The following CRISPLD1 variants were observed in gnomAD, a reference collection of about 807,000 sequenced individuals.
The protein encoded by CRISPLD1 is cysteine rich secretory protein LCCL domain containing 1.
Under a neutral mutation model 77.5 loss-of-function variants are expected in CRISPLD1, and 60 were observed. That is an observed-to-expected ratio of 0.77 (90% CI 0.63 to 0.96). The LOEUF (loss-of-function observed/expected upper bound fraction) is 0.96, where lower values mean the gene tolerates loss of function less well. CRISPLD1 is among the 40% of genes least tolerant of loss of function. CRISPLD1 has a pLI of 0.00. For missense variants in CRISPLD1, 623 were observed against 615.8 expected, an observed-to-expected ratio of 1.01 and a Z score of -0.12; for synonymous variants, 195 against 200.1, an observed-to-expected ratio of 0.97 and a Z score of 0.22.
chr8:75,030,242 C>T (rs1813310158), intron 14 of CRISPLD1, among the ~76,000 whole-genome samples: 1 of 152,106 alleles, frequency 6.6e-6, no homozygotes, highest in African/African-American at 2.4e-5. Flanking sequence ...CACACATGTA[C>T]ACCAAAGGAT....
At chr8:75,018,205 T>A (rs1424450990) in intron 10 of CRISPLD1, among the ~76,000 whole-genome samples, 1 of 152,184 alleles carries the variant, frequency 6.6e-6, no homozygotes, top group Non-Finnish European at 1.5e-5. Flanking sequence ...TTAGAATTAA[T>A]AACTATAAAA....
At position 75,017,062 on chromosome 8, in the gene CRISPLD1, T is replaced by C. The variant is rs756496842; in HGVS notation, c.945T>C (p.Ala315=). ...TTTTATTTAGGTACGAATGTCCTGC[T>C]GGCTGTTTGGATAGTAAAGCTAAAG... is the stretch of plus-strand genomic sequence containing the variant. The part of the protein sequence containing the change: ...GTTCNRYECP[A]GCLDSKAKVI... The change falls in exon 9 of 15, where the codon GCT becomes GCC. Residue 315 remains alanine (A), a synonymous_variant. Coordinates refer to ENST00000262207, the MANE Select transcript of CRISPLD1 (RefSeq NM_031461.6). 35 of 1,612,668 alleles carry C rather than the reference T, an allele frequency of 2.2e-5. No homozygotes were observed. In the East Asian group the frequency reaches 7.8e-4, roughly 36 times the overall value.
chr8:75,010,692 AGTTT>A (rs1812913875), intron 2 of CRISPLD1, among the ~76,000 whole-genome samples: 1 of 152,084 alleles, frequency 6.6e-6, no homozygotes, highest in Non-Finnish European at 1.5e-5. Flanking sequence ...CATATTAATT[AGTTT>A]TTCTGTAACC....
In CRISPLD1 at chr8:75,004,409, T is replaced by G. The variant is rs999761660; in HGVS notation, c.259-8024T>G. ...CATCTCACACTCTTTCAGCACAGAT[T>G]TATTTACTTATTTATTTCATTGACG... On this transcript the variant is annotated intron_variant, in intron 2 of 14. Coordinates refer to ENST00000262207, the MANE Select transcript of CRISPLD1 (RefSeq NM_031461.6). Among the ~76,000 whole-genome samples, 10 of 152,174 alleles carry G rather than the reference T, an allele frequency of 6.6e-5. No individual in the cohort carries two copies. The East Asian group carries it at 1.2e-3, about 18-fold the overall frequency.
At chr8:75,003,965 T>A (rs535297979) in intron 2 of CRISPLD1, among the ~76,000 whole-genome samples, 3 of 152,188 alleles carry the variant, frequency 2.0e-5, no homozygotes, top group African/African-American at 7.2e-5. Flanking sequence ...ATTGAAATAA[T>A]CTTGTGAGTA....
At chr8:74,993,434 A>G (rs930964512) in intron 2 of CRISPLD1, among the ~76,000 whole-genome samples, 14 of 152,336 alleles carry the variant, frequency 9.2e-5, no homozygotes, top group African/African-American at 3.4e-4. Flanking sequence ...AATTTAAAAT[A>G]GCTTATTTAA....
rs1563401352 is a variant in CRISPLD1 at position 75,020,098 on chromosome 8, A to AG, written c.1244+24dup. The AG allele has an allele frequency of 6.2e-7, 1 of 1,601,674 alleles. No individual in the cohort carries two copies. The highest frequency in any genetic ancestry group is 1.7e-5 in the Admixed American group (1 of 59,984). ...GCCCAAGGTAAACCAGTGTACACAT[A>AG]GGGGGCTTTGGCCCTGTGATAACTG... On this transcript the variant is annotated intron_variant, in intron 12 of 14. Coordinates refer to ENST00000262207, the MANE Select transcript of CRISPLD1 (RefSeq NM_031461.6).
chr8:75,016,731 A>C, intron 7 of CRISPLD1, 26 bp downstream of exon 7: 5 of 1,589,514 alleles, frequency 3.1e-6, no homozygotes, highest in Non-Finnish European at 4.3e-6. Flanking sequence ...TACTTATAAA[A>C]ATTTTCAAAG....
chr8:75,021,392 C>G (rs1057062579), intron 12 of CRISPLD1, among the ~76,000 whole-genome samples: 10 of 152,164 alleles, frequency 6.6e-5, no homozygotes, highest in African/African-American at 2.2e-4. Flanking sequence ...TCTACTAATG[C>G]AAGAGTGCTG....
At chr8:74,987,182 TCTAAGTTC>T (rs1228487898) in intron 2 of CRISPLD1, among the ~76,000 whole-genome samples, 1 of 152,212 alleles carries the variant, frequency 6.6e-6, no homozygotes, top group Non-Finnish European at 1.5e-5. Flanking sequence ...GCATGGAAGT[TCTAAGTTC>T]CTATTGCCCG....
intron 2 of CRISPLD1, among the ~76,000 whole-genome samples, chr8:75,009,104 A>T (rs1812884282): frequency 6.6e-6 from 1 of 151,996 alleles, no homozygotes; most frequent in Non-Finnish European, 1.5e-5. Context: ...GGCCATGAGG[A>T]TTCTTCTAAG....
chr8:75,009,672 C>A (rs534224429), intron 2 of CRISPLD1, among the ~76,000 whole-genome samples: 2 of 151,826 alleles, frequency 1.3e-5, no homozygotes, highest in Non-Finnish European at 2.9e-5. Flanking sequence ...GGATTGCAGA[C>A]AATGATTTGT....
At chr8:75,023,041 T>C (rs1004697492) in intron 12 of CRISPLD1, among the ~76,000 whole-genome samples, 1 of 148,966 alleles carries the variant, frequency 6.7e-6, no homozygotes, top group African/African-American at 2.5e-5. Context: ...TATGTCAGCA[T>C]TTTCATTCAA....
At chr8:75,017,142 G>A (rs1043455220) in intron 9 of CRISPLD1, 29 bp downstream of exon 9, 3 of 1,572,130 alleles carry the variant, frequency 1.9e-6, no homozygotes, top group Non-Finnish European at 2.6e-6. Flanking sequence ...ATTATTTGAG[G>A]ATAGAGTCAT....
At chr8:75,021,186 T>G (rs760245444) in intron 12 of CRISPLD1, among the ~76,000 whole-genome samples, 17 of 152,234 alleles carry the variant, frequency 1.1e-4, no homozygotes, top group Non-Finnish European at 2.4e-4. Flanking sequence ...CTTACCCTTT[T>G]GAAATGAAAG....
chr8:75,000,212 A>G (rs1392367147), intron 2 of CRISPLD1: 3 of 985,158 alleles, frequency 3.0e-6, no homozygotes, highest in Non-Finnish European at 3.6e-6. Flanking sequence ...ACTATATCTT[A>G]TGCTTGGTCA....
rs112388427 is a variant in CRISPLD1 at position 75,000,133 on chromosome 8, A to C, written c.259-12300A>C. The C allele has an allele frequency of 3.3e-3, 3,202 of 984,904 alleles. 95 individuals carry two copies. The African/African-American group carries it at 0.052, about 16-fold the overall frequency. The allele number at this position is 984,904 out of a possible 1,614,324, so 61.0% of individuals were successfully genotyped here. A position where few individuals can be genotyped will look rare whatever the true frequency, so the allele number is the denominator to read the frequency against. The stretch of plus-strand genomic sequence containing the variant: ...TGTCCCCTGTATGTCATAGCAACTC[A>C]AACAATACAAAGTAACCACCAGAAC... On this transcript the variant is annotated intron_variant, in intron 2 of 14. Transcript: ENST00000262207.
intron 5 of CRISPLD1, 101 bp from the exon 6 acceptor site, chr8:75,014,711 C>A: frequency 1.3e-6 from 1 of 749,668 alleles, no homozygotes; most frequent in Non-Finnish European, 2.1e-6. Context: ...ATCTATACGC[C>A]AAAATAATTA....
At chr8:75,022,009 C>G (rs1813144027) in intron 12 of CRISPLD1, among the ~76,000 whole-genome samples, 1 of 151,998 alleles carries the variant, frequency 6.6e-6, no homozygotes, top group African/African-American at 2.4e-5. Context: ...AATTTTATAA[C>G]TACAAAACAA....
Sources: allele counts gnomAD v4.1 joint callset (sites outside exome capture counted in the v4.1 genomes callset), GRCh38; gene constraint gnomAD v4.1.1; transcripts MANE v1.5; gene names NCBI Gene and HGNC (gene_info 2026-07-23, HGNC 2026-07-21).